Variants in SNTB1 observed in about 807,000 individuals in gnomAD.
SNTB1 encodes beta-1-syntrophin.
Under a neutral mutation model 48.9 loss-of-function variants are expected in SNTB1, and 36 were observed. The ratio of observed to expected loss-of-function variants is 0.74; its 90% CI spans 0.56 to 0.97. The LOEUF is 0.97. SNTB1 is among the 50% of genes least tolerant of loss of function. SNTB1 has a pLI of 0.00. For missense variants in SNTB1, 786 were observed against 703.4 expected, an observed-to-expected ratio of 1.12 and a Z score of -1.33; for synonymous variants, 299 against 294.6, an observed-to-expected ratio of 1.01 and a Z score of -0.15.
At chr8:120,778,739 C>A (rs753807048) in intron 1 of SNTB1, among the ~76,000 whole-genome samples, 2 of 152,212 alleles carry the variant, frequency 1.3e-5, no homozygotes, top group African/African-American at 4.8e-5. Flanking sequence ...ATATAAATAA[C>A]CTTGACATAT....
chr8:120,555,438 A>G, intron 4 of SNTB1, among the ~76,000 whole-genome samples: 1 of 152,130 alleles, frequency 6.6e-6, no homozygotes, highest in East Asian at 1.9e-4. Context: ...TAATCTTCTT[A>G]TGCAAATGGA....
chr8:120,739,313 G>A (rs1178927890), intron 1 of SNTB1, among the ~76,000 whole-genome samples: 1 of 152,214 alleles, frequency 6.6e-6, no homozygotes, highest in Non-Finnish European at 1.5e-5. Context: ...GGGTTGTGAA[G>A]TTGAAAGAAA....
At position 120,811,885 on chromosome 8, in the gene SNTB1, G is replaced by T. The variant is rs531443245; in HGVS notation, c.-42C>A. On this transcript the variant is annotated 5_prime_UTR_variant, in exon 1 of 7. Coordinates refer to ENST00000517992, the MANE Select transcript of SNTB1 (RefSeq NM_021021.4). ...AAATGCCATGTGATTGGAAAAGGGG[G>T]GAAAAGTGGGGAAGGGTGGCCGGGG... The T allele has an allele frequency of 7.6e-7, 1 of 1,310,496 alleles. No individual in the cohort carries two copies. The highest frequency in any genetic ancestry group is 1.5e-5 in the African/African-American group (1 of 64,566). 81.2% of individuals were successfully genotyped at this position (1,310,496 alleles called of 1,614,324 possible). A position where few individuals can be genotyped will look rare whatever the true frequency, so the allele number is the denominator to read the frequency against.
chr8:120,732,503 A>G (rs942759623), intron 1 of SNTB1, among the ~76,000 whole-genome samples: 1 of 152,188 alleles, frequency 6.6e-6, no homozygotes, highest in African/African-American at 2.4e-5. Flanking sequence ...AGAGTTAATC[A>G]TTTCTATTTT....
chr8:120,791,848 C>T (rs1429440719), intron 1 of SNTB1, among the ~76,000 whole-genome samples: 2 of 151,950 alleles, frequency 1.3e-5, no homozygotes, highest in African/African-American at 2.4e-5. Context: ...CACTTATACA[C>T]TGCTGGTGGG....
intron 2 of SNTB1, among the ~76,000 whole-genome samples, chr8:120,688,990 C>A (rs1349893950): frequency 2.6e-5 from 4 of 152,152 alleles, no homozygotes; most frequent in Non-Finnish European, 5.9e-5. Flanking sequence ...TGGCTCAGGG[C>A]AGTGGCTGTG....
chr8:120,632,182 T>C (rs1452745399), intron 3 of SNTB1, among the ~76,000 whole-genome samples: 1 of 152,196 alleles, frequency 6.6e-6, no homozygotes, highest in Non-Finnish European at 1.5e-5. Flanking sequence ...ATCAAACTAT[T>C]CCTCGACTCA....
chr8:120,607,974 A>G (rs1335205315), intron 3 of SNTB1, among the ~76,000 whole-genome samples: 1 of 152,254 alleles, frequency 6.6e-6, no homozygotes, highest in Non-Finnish European at 1.5e-5. Flanking sequence ...ATCATTTACA[A>G]CCACAGGCTT....
At chr8:120,563,452 A>G (rs530447884) in intron 4 of SNTB1, among the ~76,000 whole-genome samples, 1 of 152,304 alleles carries the variant, frequency 6.6e-6, no homozygotes, top group South Asian at 2.1e-4. Context: ...CAATGGACTC[A>G]TAGGGGCACC....
intron 2 of SNTB1, among the ~76,000 whole-genome samples, chr8:120,692,797 T>C (rs1818150551): frequency 6.6e-6 from 1 of 152,174 alleles, no homozygotes; most frequent in African/African-American, 2.4e-5. Context: ...TAAGGTGAAT[T>C]TGTTTATTAC....
intron 1 of SNTB1, among the ~76,000 whole-genome samples, chr8:120,700,021 C>T (rs1818278361): frequency 6.6e-6 from 1 of 152,148 alleles, no homozygotes; most frequent in South Asian, 2.1e-4. Flanking sequence ...GCATTATAAT[C>T]ATCCCCCTTT....
At chr8:120,561,788 A>G (rs920062539) in intron 4 of SNTB1, among the ~76,000 whole-genome samples, 7 of 152,140 alleles carry the variant, frequency 4.6e-5, no homozygotes, top group Non-Finnish European at 8.8e-5. Flanking sequence ...CTTTTCCTCT[A>G]TTTCATACCG....
intron 1 of SNTB1, among the ~76,000 whole-genome samples, chr8:120,728,088 C>T (rs974996887): frequency 3.3e-5 from 5 of 152,208 alleles, no homozygotes; most frequent in East Asian, 3.9e-4. Context: ...TGCAGTGGCA[C>T]GATCTTGGCT....
intron 3 of SNTB1, among the ~76,000 whole-genome samples, chr8:120,625,373 CT>C (rs1401873402): frequency 1.3e-5 from 2 of 152,208 alleles, no homozygotes; most frequent in East Asian, 3.9e-4. Flanking sequence ...ACACACCCCC[CT>C]GTCTTACATG....
intron 4 of SNTB1, among the ~76,000 whole-genome samples, chr8:120,573,893 T>G (rs557523524): frequency 9.2e-5 from 14 of 152,354 alleles, no homozygotes; most frequent in African/African-American, 3.4e-4. Flanking sequence ...GTCTCCGTGT[T>G]TTTATGCCAG....
intron 1 of SNTB1, among the ~76,000 whole-genome samples, chr8:120,785,432 G>A (rs1819908229): frequency 6.6e-6 from 1 of 152,162 alleles, no homozygotes; most frequent in African/African-American, 2.4e-5. Context: ...CCAAATGCGT[G>A]GGAGCTGAGT....
At chr8:120,794,925 T>C (rs568315525) in intron 1 of SNTB1, among the ~76,000 whole-genome samples, 1 of 152,134 alleles carries the variant, frequency 6.6e-6, no homozygotes, top group Admixed American at 6.6e-5. Flanking sequence ...TTCTGGTCAG[T>C]CTATCTCTAG....
At chr8:120,797,499 A>G (rs1399577937) in intron 1 of SNTB1, among the ~76,000 whole-genome samples, 1 of 142,788 alleles carries the variant, frequency 7.0e-6, no homozygotes, top group African/African-American at 2.6e-5. Flanking sequence ...ACTAATGCAC[A>G]TTATTTTACA....
chr8:120,765,113 T>G (rs1042751267), intron 1 of SNTB1, among the ~76,000 whole-genome samples: 1 of 152,214 alleles, frequency 6.6e-6, no homozygotes, highest in African/African-American at 2.4e-5. Flanking sequence ...TAGTCCCAGC[T>G]ACTCAGGAAA....
Sources: allele counts gnomAD v4.1 joint callset (sites outside exome capture counted in the v4.1 genomes callset), GRCh38; gene constraint gnomAD v4.1.1; transcripts MANE v1.5; gene names NCBI Gene and HGNC (gene_info 2026-07-23, HGNC 2026-07-21).